Variants in KLHL5 observed in about 807,000 individuals in gnomAD.
KLHL5 encodes kelch-like protein 5.
KLHL5 carries 48 observed loss-of-function variants against 77.7 expected under a neutral mutation model. That is an observed-to-expected ratio of 0.62 (90% CI 0.49 to 0.79). The LOEUF (loss-of-function observed/expected upper bound fraction) is 0.79, where lower values mean the gene tolerates loss of function less well. Ranked by LOEUF, KLHL5 falls within the 30% of genes least tolerant of loss-of-function variation. The pLI is 0.00. For missense variants in KLHL5, 723 were observed against 859.7 expected (o/e 0.84, Z 1.99); for synonymous variants, 260 against 297.0 (o/e 0.88, Z 1.28).
At chr4:39,084,772 A>C (rs1259824190) in intron 4 of KLHL5, among the ~76,000 whole-genome samples, 2 of 152,316 alleles carry the variant, frequency 1.3e-5, no homozygotes, top group East Asian at 3.9e-4. Flanking sequence ...TAAATCTGTC[A>C]ATTATACTTT....
chr4:39,076,581 G>A (rs971792231), intron 2 of KLHL5, among the ~76,000 whole-genome samples: 5 of 151,972 alleles, frequency 3.3e-5, no homozygotes, highest in Non-Finnish European at 7.4e-5. Context: ...TGATTTCCAA[G>A]AAGTATGAAA....
intron 10 of KLHL5, among the ~76,000 whole-genome samples, chr4:39,119,736 A>G (rs895555434): frequency 6.6e-6 from 1 of 152,236 alleles, no homozygotes; most frequent in African/African-American, 2.4e-5. Flanking sequence ...AGGTGATTGC[A>G]TTGTATTTAA....
chr4:39,140,043 A>G, the KLHL5 span, among the ~76,000 whole-genome samples: 1 of 152,194 alleles, frequency 6.6e-6, no homozygotes, highest in Non-Finnish European at 1.5e-5. Context: ...CCTGGGCAAC[A>G]TGGCAAAACC....
intron 1 of KLHL5, among the ~76,000 whole-genome samples, chr4:39,049,429 C>G (rs569555507): frequency 2.0e-5 from 3 of 152,220 alleles, no homozygotes; most frequent in South Asian, 4.1e-4. Flanking sequence ...CAAGACTGTG[C>G]AGTCCCAGCA....
intron 1 of KLHL5, among the ~76,000 whole-genome samples, chr4:39,056,344 C>T (rs1717004052): frequency 2.0e-5 from 3 of 152,176 alleles, no homozygotes. Flanking sequence ...TTCCTGACCT[C>T]AAGTGATCCA....
At chr4:39,050,831 G>A (rs567915047) in intron 1 of KLHL5, among the ~76,000 whole-genome samples, 1 of 152,316 alleles carries the variant, frequency 6.6e-6, no homozygotes, top group South Asian at 2.1e-4. Context: ...ATGATAATCA[G>A]GATAAGAAGG....
chr4:39,081,971 G>T lies in KLHL5; in HGVS notation c.712G>T (p.Glu238Ter). Residue 238 changes from glutamate to a stop codon, truncating the protein, a stop_gained, in exon 4 of 11, where the codon GAA becomes TAA. Coordinates refer to ENST00000504108, the MANE Select transcript of KLHL5 (RefSeq NM_015990.5). LOFTEE classifies it high-confidence loss of function. This position sits in a 1 kb window ranked among gnomAD's most constrained non-coding sequence, Gnocchi z 4.3. Reference protein sequence around the residue: ...LIQYAYTGRLELKEDNIECLL... With the variant: ...LIQYAYTGRL ...TTCTTTTTATCATTAAGGCCGCCTTGAATTAAAAGAAGATAATATTGAGTG... is the reference window on the plus strand; with the variant it reads ...TTCTTTTTATCATTAAGGCCGCCTTTAATTAAAAGAAGATAATATTGAGTG... The T allele has an allele frequency of 6.3e-7, 1 of 1,586,652 alleles. No homozygotes were observed. The highest frequency in any genetic ancestry group is 1.2e-5 in the South Asian group (1 of 86,426).
At chr4:39,104,222 T>A (rs905571505) in intron 7 of KLHL5, among the ~76,000 whole-genome samples, 4 of 152,086 alleles carry the variant, frequency 2.6e-5, no homozygotes, top group African/African-American at 7.2e-5. Context: ...TGATTTTAAG[T>A]TTGATAAGGA....
intron 1 of KLHL5, among the ~76,000 whole-genome samples, chr4:39,050,108 A>G (rs1488377668): frequency 6.6e-6 from 1 of 152,094 alleles, no homozygotes; most frequent in Non-Finnish European, 1.5e-5. Context: ...GGGAGTTTAC[A>G]ATCACAATAG....
chr4:39,133,706 C>A, the KLHL5 span, among the ~76,000 whole-genome samples: 14 of 151,878 alleles, frequency 9.2e-5, no homozygotes, highest in Non-Finnish European at 2.9e-5. Context: ...TAATATTATA[C>A]CTCAGCATTC....
intron 10 of KLHL5, among the ~76,000 whole-genome samples, chr4:39,119,303 T>C (rs1723055091): frequency 6.6e-6 from 1 of 152,136 alleles, no homozygotes; most frequent in East Asian, 1.9e-4. Context: ...AAAGTTTTCC[T>C]GGGCCAGGCA....
At chr4:39,092,978 T>C (rs1720728187) in intron 5 of KLHL5, 2 of 394,672 alleles carry the variant, frequency 5.1e-6, no homozygotes, top group Admixed American at 6.7e-5. Flanking sequence ...AAATTTGCCA[T>C]ATGCCCCAGC....
At chr4:39,065,606 C>T (rs187138868) in intron 1 of KLHL5, among the ~76,000 whole-genome samples, 57 of 151,954 alleles carry the variant, frequency 3.8e-4, no homozygotes, top group African/African-American at 8.4e-4. Flanking sequence ...CGCCCACGTC[C>T]GCCTCCCAAA....
chr4:39,045,134 C>T, intron 1 of KLHL5: 1 of 984,422 alleles, frequency 1.0e-6, no homozygotes. Context: ...GGGAGGGGGC[C>T]GCCTCGGGCA....
At chr4:39,069,463 TATATATATATACACAC>T (rs1381713948) in intron 1 of KLHL5, among the ~76,000 whole-genome samples, 18 of 56,366 alleles carry the variant, frequency 3.2e-4, no homozygotes, top group African/African-American at 9.3e-4. Flanking sequence ...TATATATATA[TATATATATATACACAC>T]ACACACACAC....
At chr4:39,132,885 CT>C in the KLHL5 span, among the ~76,000 whole-genome samples, 1 of 152,044 alleles carries the variant, frequency 6.6e-6, no homozygotes, top group South Asian at 2.1e-4. Context: ...CTAATTCTAT[CT>C]AGTCTTTCAT....
At chr4:39,065,909 T>C (rs1393367868) in intron 1 of KLHL5, among the ~76,000 whole-genome samples, 1 of 152,216 alleles carries the variant, frequency 6.6e-6, no homozygotes. Context: ...TGGTCTTACA[T>C]ACTCAGAATC....
downstream of KLHL5, among the ~76,000 whole-genome samples, chr4:39,129,443 C>T (rs576998704): frequency 2.6e-4 from 40 of 152,188 alleles, no homozygotes; most frequent in South Asian, 7.9e-3. This position sits in a 1 kb window ranked among gnomAD's most constrained non-coding sequence, Gnocchi z 4.2. Context: ...CTCCTGACCT[C>T]GTGATCCGCC....
chr4:39,080,284 T>C (rs1486223403), intron 2 of KLHL5, among the ~76,000 whole-genome samples: 2 of 152,152 alleles, frequency 1.3e-5, no homozygotes, highest in Non-Finnish European at 2.9e-5. Context: ...CCTAGCTCTT[T>C]GGGAGGCTCA....
Sources: gnomAD v4.1 joint callset for allele counts (sites outside exome capture counted in the v4.1 genomes callset) on GRCh38, gnomAD v4.1.1 for gene constraint, Gnocchi (gnomAD v3.1) non-coding constraint, MANE v1.5 for transcripts, NCBI Gene and HGNC (gene_info 2026-07-23, HGNC 2026-07-21) for gene names.